The following KLF15 variants were observed in gnomAD, a reference collection of about 807,000 sequenced individuals.
The protein encoded by KLF15 is Krueppel-like factor 15.
Under a neutral mutation model 24.6 loss-of-function variants are expected in KLF15, and 4 were observed. The observed-to-expected ratio is 0.16, with a 90% confidence interval of 0.08 to 0.37. The LOEUF (loss-of-function observed/expected upper bound fraction) is 0.37, where lower values mean the gene tolerates loss of function less well. Ranked by LOEUF, KLF15 falls within the 10% of genes least tolerant of loss-of-function variation. The pLI is 1.00. For missense variants in KLF15, 496 were observed against 560.6 expected, an observed-to-expected ratio of 0.88 and a Z score of 1.16; for synonymous variants, 246 against 236.3, an observed-to-expected ratio of 1.04 and a Z score of -0.37.
the KLF15 span, among the ~76,000 whole-genome samples, chr3:126,321,996 A>G: frequency 6.6e-6 from 1 of 152,162 alleles, no homozygotes; most frequent in Admixed American, 6.5e-5. Context: ...AGCTGCTTGG[A>G]GCTGTTTTGA....
intron 2 of KLF15, among the ~76,000 whole-genome samples, chr3:126,350,844 CA>C (rs1411987315): frequency 1.3e-5 from 2 of 152,078 alleles, no homozygotes; most frequent in Non-Finnish European, 2.9e-5. Context: ...CCCAGGGATA[CA>C]GATGAGTGTG....
the KLF15 span, among the ~76,000 whole-genome samples, chr3:126,293,253 T>C: frequency 6.6e-6 from 1 of 150,824 alleles, no homozygotes; most frequent in East Asian, 2.0e-4. Context: ...ATGTTGAGGG[T>C]ACAATGAGCC....
At chr3:126,326,379 T>C in the KLF15 span, among the ~76,000 whole-genome samples, 1 of 152,102 alleles carries the variant, frequency 6.6e-6, no homozygotes, top group Admixed American at 6.5e-5. Context: ...GGGATGGCAT[T>C]GAATCTGTAA....
chr3:126,324,585 C>CT, the KLF15 span, among the ~76,000 whole-genome samples: 2 of 125,492 alleles, frequency 1.6e-5, no homozygotes, highest in East Asian at 2.2e-4. Context: ...CCGCCCCCAA[C>CT]TTTTTTTTAA....
the KLF15 span, among the ~76,000 whole-genome samples, chr3:126,331,776 C>T: frequency 1.3e-5 from 2 of 152,162 alleles, no homozygotes; most frequent in African/African-American, 2.4e-5. Flanking sequence ...GTGTGCAAGC[C>T]GAAGCAGGGC....
the KLF15 span, chr3:126,288,843 A>G: frequency 6.6e-6 from 1 of 152,226 alleles, no homozygotes; most frequent in Non-Finnish European, 1.5e-5. Context: ...AATTAAAATA[A>G]TTTTTTTCTG....
chr3:126,354,321 T>C (rs1039991495), intron 1 of KLF15: 1 of 152,220 alleles, frequency 6.6e-6, no homozygotes, highest in African/African-American at 2.4e-5. Flanking sequence ...AGTCAGAGGT[T>C]CTCTGCTGCC....
At chr3:126,334,040 A>G in the KLF15 span, among the ~76,000 whole-genome samples, 1 of 152,196 alleles carries the variant, frequency 6.6e-6, no homozygotes, top group African/African-American at 2.4e-5. Context: ...AGGGATACCC[A>G]GGAATTGAAC....
the KLF15 span, among the ~76,000 whole-genome samples, chr3:126,298,315 T>C: frequency 7.3e-5 from 11 of 150,894 alleles, no homozygotes; most frequent in South Asian, 2.3e-3. Flanking sequence ...TTTTTTTTTT[T>C]CTGATTTGTT....
At chr3:126,333,732 C>G in the KLF15 span, among the ~76,000 whole-genome samples, 1 of 135,416 alleles carries the variant, frequency 7.4e-6, no homozygotes, top group Non-Finnish European at 1.6e-5. Flanking sequence ...GGAAGATCTA[C>G]CAAGCAAATG....
chr3:126,297,675 C>G, the KLF15 span, among the ~76,000 whole-genome samples: 3 of 152,064 alleles, frequency 2.0e-5, no homozygotes, highest in Non-Finnish European at 4.4e-5. Context: ...TTAGCTCCCC[C>G]TTATAAGTGA....
intron 2 of KLF15, among the ~76,000 whole-genome samples, chr3:126,351,247 G>A (rs893041985): frequency 2.6e-5 from 4 of 151,970 alleles, no homozygotes; most frequent in South Asian, 2.1e-4. Context: ...ATGCTTCCAC[G>A]TCCCCAGGGA....
the KLF15 span, among the ~76,000 whole-genome samples, chr3:126,337,535 C>G: frequency 6.8e-6 from 1 of 147,804 alleles, no homozygotes; most frequent in South Asian, 2.2e-4. Flanking sequence ...ATGTAACTAA[C>G]CTGCACAATG....
At position 126,343,617 on chromosome 3, in the gene KLF15, G is replaced by T. The variant is rs1228542413; in HGVS notation, c.*110C>A. The stretch of plus-strand genomic sequence containing the variant: ...ACACCTCCCAGGCTTCAGAAGGTGG[G>T]CTGGTAACATTGCCATGTCCCTCTG... On this transcript the variant is annotated 3_prime_UTR_variant, in exon 3 of 3. Coordinates refer to ENST00000296233, the MANE Select transcript of KLF15 (RefSeq NM_014079.4). The T allele has an allele frequency of 9.1e-7, 1 of 1,101,496 alleles. No individual in the cohort carries two copies. 68.2% of individuals were successfully genotyped at this position (1,101,496 alleles called of 1,614,324 possible).
the KLF15 span, among the ~76,000 whole-genome samples, chr3:126,320,123 C>T: frequency 6.6e-6 from 1 of 152,068 alleles, no homozygotes; most frequent in Admixed American, 6.5e-5. Context: ...ATGGGTGAAG[C>T]AAGTAAGGTG....
At chr3:126,319,915 G>C in the KLF15 span, among the ~76,000 whole-genome samples, 1 of 152,184 alleles carries the variant, frequency 6.6e-6, no homozygotes. Context: ...AGCGACAGCA[G>C]ACCAGGGACA....
In KLF15 at chr3:126,352,294, C is replaced by T; in HGVS notation, c.629G>A (p.Gly210Asp). 1.3e-6 allele frequency: 2 copies of T among 1,547,374 alleles called. No individual in the cohort carries two copies. The highest frequency in any genetic ancestry group is 2.3e-5 in the East Asian group (1 of 44,398). ...SAGGAQGPGGGPTPDGPIPVL... is the reference protein window; with the variant it reads ...SAGGAQGPGGDPTPDGPIPVL... ...TGGGATGGGGCCATCAGGCGTGGGGCCCCCACCTGGGCCCTGGGCACCTCC... is the reference window on the plus strand; with the variant it reads ...TGGGATGGGGCCATCAGGCGTGGGGTCCCCACCTGGGCCCTGGGCACCTCC... Residue 210 changes from glycine (G) to aspartate (D), a missense_variant, in exon 2 of 3, where the codon GGC becomes GAC. By Grantham distance (94) the Gly-to-Asp change is moderately conservative (BLOSUM62 -1). Around this residue, in one of 3 missense-constraint regions of KLF15, gnomAD observed 399 missense variants for 423.1 expected, o/e 0.94. Transcript: ENST00000296233.
At chr3:126,326,504 T>C in the KLF15 span, among the ~76,000 whole-genome samples, 2 of 152,314 alleles carry the variant, frequency 1.3e-5, no homozygotes, top group Non-Finnish European at 2.9e-5. Context: ...GCCCAGAAAC[T>C]AGAATTTATA....
At chr3:126,314,658 A>ACACAG in the KLF15 span, among the ~76,000 whole-genome samples, 1 of 152,210 alleles carries the variant, frequency 6.6e-6, no homozygotes, top group Admixed American at 6.5e-5. Context: ...CCACAGCTGC[A>ACACAG]CACAGCACAG....
Sources: gnomAD v4.1 joint callset for allele counts (sites outside exome capture counted in the v4.1 genomes callset) on GRCh38, gnomAD v4.1.1 for gene constraint, gnomAD v4.1.1 regional missense constraint, MANE v1.5 for transcripts, NCBI Gene and HGNC (gene_info 2026-07-23, HGNC 2026-07-21) for gene names.